INKA2: variants seen among roughly 807,000 people sequenced by gnomAD.
INKA2 encodes the protein inka box actin regulator 2.
A neutral mutation model predicts 9.8 loss-of-function variants in INKA2; 3 were observed. The ratio of observed to expected loss-of-function variants is 0.31; its 90% confidence interval spans 0.14 to 0.79. INKA2 has a LOEUF of 0.79. Ranked by LOEUF, INKA2 falls within the 30% of genes least tolerant of loss-of-function variation. The probability of loss-of-function intolerance (pLI) is 0.62; values close to 1 mark genes in which losing one functional copy is unlikely to be tolerated. For synonymous variants in INKA2, 147 were observed against 143.3 expected (o/e 1.03, Z -0.18); for missense variants, 392 against 384.4 (o/e 1.02, Z -0.17).
chr1:111,735,204 C>T (rs963720124), intron 1 of INKA2, among the ~76,000 whole-genome samples: 1 of 152,190 alleles, frequency 6.6e-6, no homozygotes, highest in African/African-American at 2.4e-5. Flanking sequence ...GGATCTGTGT[C>T]TGTTGGTTTG....
intron 1 of INKA2, among the ~76,000 whole-genome samples, chr1:111,748,786 T>C (rs762236185): frequency 7.2e-5 from 11 of 152,216 alleles, no homozygotes; most frequent in Non-Finnish European, 1.0e-4. Flanking sequence ...GTATCCATCC[T>C]GCTCAGAGGT....
chr1:111,737,779 C>T (rs1424680657), intron 1 of INKA2, among the ~76,000 whole-genome samples: 1 of 152,166 alleles, frequency 6.6e-6, no homozygotes, highest in Non-Finnish European at 1.5e-5. Flanking sequence ...ACAGAAAGGG[C>T]TCCAGGAGGG....
At chr1:111,741,289 GA>G (rs1663146003), upstream of INKA2, among the ~76,000 whole-genome samples, 1 of 152,154 alleles carries the variant, frequency 6.6e-6, no homozygotes. Context: ...AATGGATAGA[GA>G]AAAGAAAAAA....
Position 111,727,471 on chromosome 1 carries a change from G to A in INKA2, c.391C>T (p.Gln131Ter). Residue 131 changes from glutamine (Q) to a stop codon, truncating the protein, a stop_gained, in exon 2 of 2, where the codon CAG (glutamine) becomes TAG (stop). Coordinates refer to ENST00000357260, the MANE Select transcript of INKA2 (RefSeq NM_019099.5). LOFTEE classifies it high-confidence loss of function. ...RTQPHQSCAQ[Q>*]GPERVEPDDW... The stretch of plus-strand genomic sequence containing the variant: ...TCCGGTTCCACTCGCTCTGGCCCCT[G>A]CTGAGCACAGCTTTGATGTGGCTGT... 1 of 1,614,210 alleles carries A rather than the reference G, an allele frequency of 6.2e-7. No homozygotes were observed.
chr1:111,732,568 T>TACACACACACACACACACAC (rs3085876), intron 1 of INKA2, among the ~76,000 whole-genome samples: 133 of 142,952 alleles, frequency 9.3e-4, no homozygotes, highest in Middle Eastern at 3.5e-3. Flanking sequence ...CTCTCTCTGT[T>TACACACACACACACACACAC]ACACACACAC....
chr1:111,742,210 A>C (rs546497125), upstream of INKA2, among the ~76,000 whole-genome samples: 1 of 152,292 alleles, frequency 6.6e-6, no homozygotes, highest in East Asian at 1.9e-4. Context: ...ACCTTGCACA[A>C]ATGCTTTCCT....
intron 1 of INKA2, among the ~76,000 whole-genome samples, chr1:111,733,716 C>G (rs1662957253): frequency 6.6e-6 from 1 of 152,218 alleles, no homozygotes; most frequent in Admixed American, 6.5e-5. Flanking sequence ...GCACCCTCCC[C>G]CTGGGCCCTC....
upstream of INKA2, among the ~76,000 whole-genome samples, chr1:111,740,649 C>T (rs540543267): frequency 5.9e-5 from 9 of 152,194 alleles, no homozygotes; most frequent in Non-Finnish European, 1.3e-4. Flanking sequence ...CGCCATCGGT[C>T]CGTCCGTGGC....
At position 111,724,989 on chromosome 1, in the gene INKA2, C is replaced by G. The variant is rs927554190; in HGVS notation, c.*1979G>C. 1 of 152,170 alleles carries G rather than the reference C, an allele frequency of 6.6e-6. No individual in the cohort carries two copies. Among genetic ancestry groups the G allele is most frequent in the African/African-American group, 2.4e-5 (1 of 41,406 alleles). The allele number at this position is 152,170 out of a possible 1,614,324, so 9.4% of individuals were successfully genotyped here. A position where few individuals can be genotyped will look rare whatever the true frequency, so the allele number is the denominator to read the frequency against. ...CAGACAGTGAGTGCTCAACAAAACC[C>G]AAAAAGCATGAGCGCCTTCCTCCCT... On this transcript the variant is annotated 3_prime_UTR_variant, in exon 2 of 2. Transcript: ENST00000357260.
intron 1 of INKA2, chr1:111,755,639 G>T: frequency 6.2e-7 from 1 of 1,605,190 alleles, no homozygotes; most frequent in Non-Finnish European, 8.5e-7. Flanking sequence ...GGGCCGAGAG[G>T]CGGGGCGGTG....
chr1:111,755,301 C>T (rs1005197861), intron 1 of INKA2: 4 of 224,040 alleles, frequency 1.8e-5, no homozygotes, highest in Non-Finnish European at 3.5e-5. Context: ...TATCAGAGCT[C>T]ACTGTGCGCC....
In INKA2 at chr1:111,723,206, A is replaced by T. The variant is rs1266702962; in HGVS notation, c.*3762T>A. The stretch of plus-strand genomic sequence containing the variant: ...TCTTGTCCAGACCACGTAGGAAACG[A>T]TGGTGTGACTTGGGAAAGATGGAGG... On this transcript the variant is annotated 3_prime_UTR_variant, in exon 2 of 2. Transcript: ENST00000357260. 1 of 610,778 alleles carries T rather than the reference A, an allele frequency of 1.6e-6. No individual in the cohort carries two copies. Among genetic ancestry groups the T allele is most frequent in the Non-Finnish European group, 2.9e-6 (1 of 341,020 alleles). The allele number at this position is 610,778 out of a possible 1,614,324, so 37.8% of individuals were successfully genotyped here.
chr1:111,722,885 T>G lies in INKA2; in HGVS notation c.*4083A>C, dbSNP rs1662678642. 1.8e-6 allele frequency: 1 copy of G among 549,146 alleles called. No homozygotes were observed. The highest frequency in any genetic ancestry group is 3.4e-5 in the Admixed American group (1 of 29,564). 34.0% of individuals were successfully genotyped at this position (549,146 alleles called of 1,614,324 possible). ...TACTAAGGGGATGGGTTGTCCAGTA[T>G]CTGCTGAGCTTCTGCTGTATTCCAG... On this transcript the variant is annotated 3_prime_UTR_variant, in exon 2 of 2. Coordinates refer to ENST00000357260, the MANE Select transcript of INKA2 (RefSeq NM_019099.5).
chr1:111,724,597 A>ACCACCACTAC lies in INKA2; in HGVS notation c.*2370_*2371insGTAGTGGTGG, dbSNP rs369917124. The stretch of plus-strand genomic sequence containing the variant: ...CACACACACACACACACACACACAC[A>ACCACCACTAC]CACCACCACTACCACCACCACCACC... On this transcript the variant is annotated 3_prime_UTR_variant, in exon 2 of 2. Transcript: ENST00000357260. The ACCACCACTAC allele has an allele frequency of 6.9e-6, 1 of 145,530 alleles. No individual in the cohort carries two copies. Among genetic ancestry groups the ACCACCACTAC allele is most frequent in the Non-Finnish European group, 1.5e-5 (1 of 66,352 alleles). 9.0% of individuals were successfully genotyped at this position (145,530 alleles called of 1,614,324 possible). A position where few individuals can be genotyped will look rare whatever the true frequency, so the allele number is the denominator to read the frequency against.
At position 111,723,204 on chromosome 1, in the gene INKA2, C is replaced by T. The variant is rs994988245; in HGVS notation, c.*3764G>A. The T allele has an allele frequency of 2.5e-5, 15 of 609,070 alleles. No individual in the cohort carries two copies. The highest frequency in any genetic ancestry group is 5.6e-5 in the South Asian group (3 of 53,344). The allele number at this position is 609,070 out of a possible 1,614,324, so 37.7% of individuals were successfully genotyped here. ...GCTCTTGTCCAGACCACGTAGGAAACGATGGTGTGACTTGGGAAAGATGGA... is the reference window on the plus strand; with the variant it reads ...GCTCTTGTCCAGACCACGTAGGAAATGATGGTGTGACTTGGGAAAGATGGA... On this transcript the variant is annotated 3_prime_UTR_variant, in exon 2 of 2. Coordinates refer to ENST00000357260, the MANE Select transcript of INKA2 (RefSeq NM_019099.5).
intron 1 of INKA2, chr1:111,746,401 C>T (rs1401161338): frequency 1.3e-5 from 2 of 152,220 alleles, no homozygotes; most frequent in South Asian, 2.1e-4. Context: ...TGCCTTCTCT[C>T]CTAGCATTGA....
intron 1 of INKA2, among the ~76,000 whole-genome samples, chr1:111,730,446 C>A (rs535998896): frequency 1.3e-5 from 2 of 152,310 alleles, no homozygotes; most frequent in African/African-American, 4.8e-5. Context: ...GCAGAAGCCT[C>A]CTAGACAGCT....
chr1:111,736,904 C>T (rs1663019169), intron 1 of INKA2, among the ~76,000 whole-genome samples: 1 of 152,234 alleles, frequency 6.6e-6, no homozygotes, highest in Non-Finnish European at 1.5e-5. Flanking sequence ...TTCCCCTTTG[C>T]TACTGTTGGG....
At chr1:111,742,149 G>A (rs572779769), upstream of INKA2, among the ~76,000 whole-genome samples, 1 of 152,238 alleles carries the variant, frequency 6.6e-6, no homozygotes, top group Non-Finnish European at 1.5e-5. Flanking sequence ...CTCTTGGCAA[G>A]AACCTAGGAC....
Sources: allele counts gnomAD v4.1 joint callset (sites outside exome capture counted in the v4.1 genomes callset), GRCh38; gene constraint gnomAD v4.1.1; transcripts MANE v1.5; gene names NCBI Gene and HGNC (gene_info 2026-07-23, HGNC 2026-07-21).